The following NBEA variants were observed in gnomAD, a reference collection of about 807,000 sequenced individuals.
NBEA encodes the protein neurobeachin, also known as lysosomal-trafficking regulator 2.
A neutral mutation model predicts 343.4 loss-of-function variants in NBEA; 44 were observed. The observed-to-expected ratio is 0.13, with a 90% CI of 0.10 to 0.16. NBEA has a LOEUF of 0.16. Ranked by LOEUF, NBEA falls within the 10% of genes least tolerant of loss-of-function variation. The pLI, the probability that NBEA is intolerant of heterozygous loss-of-function variation, is 1.00. For missense variants in NBEA, 2,555 were observed against 3,631.3 expected (o/e 0.70, Z 7.62); for synonymous variants, 1,175 against 1,238.7 (o/e 0.95, Z 1.08).
At chr13:35,523,183 C>G (rs1054886963) in intron 41 of NBEA, among the ~76,000 whole-genome samples, 8 of 152,172 alleles carry the variant, frequency 5.3e-5, no homozygotes, top group African/African-American at 1.9e-4. Context: ...GTGCCAGAAA[C>G]CTTTCCATCC....
intron 34 of NBEA, among the ~76,000 whole-genome samples, chr13:35,252,557 C>T (rs1222880958): frequency 1.3e-5 from 2 of 152,150 alleles, no homozygotes; most frequent in Non-Finnish European, 2.9e-5. Flanking sequence ...CTGGGGAGCA[C>T]AGTTGTCAGC....
chr13:35,575,820 C>G (rs956804394), intron 45 of NBEA, among the ~76,000 whole-genome samples: 1 of 152,114 alleles, frequency 6.6e-6, no homozygotes, highest in Non-Finnish European at 1.5e-5. Flanking sequence ...CCACACAGTA[C>G]ATCTGATTCT....
intron 4 of NBEA, among the ~76,000 whole-genome samples, chr13:35,047,266 A>G (rs1326696584): frequency 6.6e-6 from 1 of 151,310 alleles, no homozygotes; most frequent in Admixed American, 6.6e-5. Context: ...ATCTTTGACT[A>G]CTTTGAGATT....
At chr13:35,259,628 C>T (rs1008116963) in intron 34 of NBEA, among the ~76,000 whole-genome samples, 2 of 151,834 alleles carry the variant, frequency 1.3e-5, no homozygotes, top group African/African-American at 4.8e-5. Context: ...ATCATTTTTA[C>T]CCTAAAAATA....
rs958737601 is a variant in NBEA at position 35,474,814 on chromosome 13, T to C, written c.6585+2278T>C. 11 of 480,032 alleles carry C rather than the reference T, an allele frequency of 2.3e-5. No individual in the cohort carries two copies. In the East Asian group the frequency reaches 3.3e-4, roughly 14 times the overall value. 29.7% of individuals were successfully genotyped at this position (480,032 alleles called of 1,614,324 possible). On this transcript the variant is annotated intron_variant, in intron 41 of 58. Coordinates refer to ENST00000379939, the MANE Select transcript of NBEA (RefSeq NM_001385012.1). Reference sequence around the variant, plus strand: ...GTTACGGTGTACTTTTCAAGGGAGATAGGAAATCGTGTGGAAAGAAGTCTT... The same window carrying C: ...GTTACGGTGTACTTTTCAAGGGAGACAGGAAATCGTGTGGAAAGAAGTCTT...
At position 35,058,203 on chromosome 13, in the gene NBEA, T is replaced by C. The variant is rs963237363; in HGVS notation, c.1093-514T>C. ...TTTGATTCTGTGTAATTCCTACTCA[T>C]ATATGAGAAGCGATTGATTTTCTTT... On this transcript the variant is annotated intron_variant, in intron 7 of 58. Transcript: ENST00000379939. 8.5e-5 allele frequency among the ~76,000 whole-genome samples: 13 copies of C among 152,136 alleles called. 1 individual carries two copies. The highest frequency in any genetic ancestry group is 3.1e-4 in the African/African-American group (13 of 41,432).
intron 10 of NBEA, among the ~76,000 whole-genome samples, chr13:35,083,598 C>G (rs1479397807): frequency 1.3e-5 from 2 of 151,990 alleles, no homozygotes; most frequent in African/African-American, 4.8e-5. Flanking sequence ...TAAAAGAGCT[C>G]CTGAAGGAAG....
intron 47 of NBEA, among the ~76,000 whole-genome samples, chr13:35,602,459 G>C (rs9574222): frequency 0.053 from 8,071 of 152,206 alleles, 384 homozygotes; most frequent in East Asian, 0.24. Context: ...TGGACTTCGG[G>C]TTCAGAGAGC....
chr13:35,483,126 A>G (rs2076182032), intron 41 of NBEA, among the ~76,000 whole-genome samples: 3 of 152,098 alleles, frequency 2.0e-5, no homozygotes, highest in East Asian at 1.9e-4. Context: ...TATTTTATGT[A>G]AAGTTTAATT....
chr13:35,497,037 A>G (rs943961838), intron 41 of NBEA, among the ~76,000 whole-genome samples: 3 of 152,118 alleles, frequency 2.0e-5, no homozygotes, highest in African/African-American at 7.2e-5. Context: ...TGAATTACGC[A>G]AATAGCTTAG....
chr13:35,409,318 A>G (rs2043450176), intron 38 of NBEA, among the ~76,000 whole-genome samples: 1 of 152,094 alleles, frequency 6.6e-6, no homozygotes, highest in South Asian at 2.1e-4. Flanking sequence ...ATAGAGGGAA[A>G]TGACACACAC....
intron 38 of NBEA, among the ~76,000 whole-genome samples, chr13:35,389,401 T>C (rs1051729703): frequency 6.6e-6 from 1 of 152,164 alleles, no homozygotes; most frequent in Non-Finnish European, 1.5e-5. Context: ...AAATATTACA[T>C]GTCTAATCAA....
chr13:35,663,233 AT>A (rs1274241507), intron 55 of NBEA, among the ~76,000 whole-genome samples: 1 of 152,150 alleles, frequency 6.6e-6, no homozygotes, highest in Non-Finnish European at 1.5e-5. Flanking sequence ...AACTTTATCT[AT>A]CTAACTGTAT....
At chr13:34,979,394 C>T (rs1016651263) in intron 1 of NBEA, among the ~76,000 whole-genome samples, 1 of 152,048 alleles carries the variant, frequency 6.6e-6, no homozygotes, top group Non-Finnish European at 1.5e-5. Context: ...GTGGCGTGCA[C>T]CTGTAATCCC....
intron 45 of NBEA, among the ~76,000 whole-genome samples, chr13:35,570,481 T>C (rs1456056301): frequency 1.3e-5 from 2 of 152,248 alleles, no homozygotes; most frequent in African/African-American, 2.4e-5. Flanking sequence ...AATTAGGCAA[T>C]GTGACTACAA....
At chr13:35,381,378 A>G (rs1256499942) in intron 38 of NBEA, among the ~76,000 whole-genome samples, 1 of 152,186 alleles carries the variant, frequency 6.6e-6, no homozygotes, top group African/African-American at 2.4e-5. Flanking sequence ...TCAATGAGCT[A>G]TAGTCTCATT....
intron 36 of NBEA, among the ~76,000 whole-genome samples, chr13:35,324,757 T>C (rs756290572): frequency 6.6e-6 from 1 of 152,112 alleles, no homozygotes; most frequent in South Asian, 2.1e-4. Flanking sequence ...TCAAGCTAAA[T>C]GATATAAAAA....
chr13:35,046,249 G>A lies in NBEA; in HGVS notation c.723+848G>A, dbSNP rs112356075. Among the ~76,000 whole-genome samples the A allele has an allele frequency of 5.0e-3, 767 of 152,208 alleles. 4 individuals carry two copies. Among genetic ancestry groups the A allele is most frequent in the African/African-American group, 0.018 (734 of 41,530 alleles). On this transcript the variant is annotated intron_variant, in intron 4 of 58. Coordinates refer to ENST00000379939, the MANE Select transcript of NBEA (RefSeq NM_001385012.1). ...AAATAAAATTGCTGTGAACATTTGAGCACAGGTCTTTCTATGGACATATGT... is the reference window on the plus strand; with the variant it reads ...AAATAAAATTGCTGTGAACATTTGAACACAGGTCTTTCTATGGACATATGT...
chr13:35,425,441 A>G (rs2044597164), intron 38 of NBEA, among the ~76,000 whole-genome samples: 1 of 152,070 alleles, frequency 6.6e-6, no homozygotes, highest in Admixed American at 6.6e-5. Flanking sequence ...TTCAGTTTCC[A>G]TGTAGTTGAG....
Sources: allele counts gnomAD v4.1 joint callset (sites outside exome capture counted in the v4.1 genomes callset), GRCh38; gene constraint gnomAD v4.1.1; transcripts MANE v1.5; gene names NCBI Gene and HGNC (gene_info 2026-07-23, HGNC 2026-07-21).